The following OARD1 variants were observed in gnomAD, a reference collection of about 807,000 sequenced individuals.
The protein encoded by OARD1 is O-acyl-ADP-ribose deacylase 1.
A neutral mutation model predicts 19.7 loss-of-function variants in OARD1; 19 were observed. That is an observed-to-expected ratio of 0.96 (90% CI 0.67 to 1.41). The LOEUF is 1.41. OARD1 is among the 40% of genes most tolerant of loss of function. The pLI is 0.00. For missense variants in OARD1, 190 were observed against 183.8 expected, an observed-to-expected ratio of 1.03 and a Z score of -0.20; for synonymous variants, 70 against 61.8, an observed-to-expected ratio of 1.13 and a Z score of -0.62.
At position 41,066,250 on chromosome 6, in the gene OARD1, T is replaced by C. The variant is rs961644386; in HGVS notation, c.*1085A>G. ...CAAGCCATCCTCCCGCCTCAACCTC[T>C]AGAGTAGCTGGAACTACAGGCCTGC... On this transcript the variant is annotated 3_prime_UTR_variant, in exon 6 of 6. Transcript: ENST00000424266. 1 of 152,064 alleles carries C rather than the reference T, an allele frequency of 6.6e-6. No individual in the cohort carries two copies. Among genetic ancestry groups the C allele is most frequent in the African/African-American group, 2.4e-5 (1 of 41,380 alleles). 9.4% of individuals were successfully genotyped at this position (152,064 alleles called of 1,614,324 possible).
intron 1 of OARD1, among the ~76,000 whole-genome samples, chr6:41,084,638 C>G (rs1043333872): frequency 6.6e-6 from 1 of 152,154 alleles, no homozygotes; most frequent in Non-Finnish European, 1.5e-5. Context: ...GATTGAGAAA[C>G]AGAAAACAAA....
intron 1 of OARD1, chr6:41,079,269 T>A: frequency 2.8e-6 from 3 of 1,065,750 alleles, no homozygotes; most frequent in Non-Finnish European, 2.8e-6. Context: ...AGATACCAGA[T>A]CTTGTGAGAT....
chr6:41,065,362 C>T lies in OARD1; in HGVS notation c.*1973G>A. The T allele has an allele frequency of 6.6e-6, 1 of 152,224 alleles. No individual in the cohort carries two copies. Among genetic ancestry groups the T allele is most frequent in the East Asian group, 1.9e-4 (1 of 5,206 alleles). The allele number at this position is 152,224 out of a possible 1,614,324, so 9.4% of individuals were successfully genotyped here. On this transcript the variant is annotated 3_prime_UTR_variant, in exon 6 of 6. Transcript: ENST00000424266. Reference sequence around the variant, plus strand: ...ACTTTACAACGGTGCAAAAGCCATACACATTCAGTACACCCTTCAACTGAA... The same window carrying T: ...ACTTTACAACGGTGCAAAAGCCATATACATTCAGTACACCCTTCAACTGAA...
Position 41,084,180 on chromosome 6 carries a change from G to A in OARD1, c.-41-12505C>T, listed in dbSNP as rs1278572952. 3.7e-6 allele frequency: 6 copies of A among 1,613,776 alleles called. No homozygotes were observed. The African/African-American group carries it at 6.7e-5, about 18-fold the overall frequency. On this transcript the variant is annotated intron_variant, in intron 1 of 4. Coordinates refer to the OARD1 transcript ENST00000480585. ...TGCAAGTACCTGTTTCTGGAACACAGGGTTTGCAGCAAGTGAGTAATATTT... is the reference window on the plus strand; with the variant it reads ...TGCAAGTACCTGTTTCTGGAACACAAGGTTTGCAGCAAGTGAGTAATATTT...
Position 41,071,661 on chromosome 6 carries a change from T to G in OARD1, c.-27A>C. ...ATACTGAGTCGCTATTTCCAGAATT[T>G]AAGTGTTTCTTCAGCTATGAGAAGG... On this transcript the variant is annotated 5_prime_UTR_variant, in exon 2 of 6. Coordinates refer to ENST00000424266, the MANE Select transcript of OARD1 (RefSeq NM_001329686.2). The G allele has an allele frequency of 6.2e-7, 1 of 1,603,676 alleles. No homozygotes were observed. Among genetic ancestry groups the G allele is most frequent in the Non-Finnish European group, 8.5e-7 (1 of 1,170,472 alleles).
intron 1 of OARD1, chr6:41,094,347 C>A: frequency 6.6e-7 from 1 of 1,508,686 alleles, no homozygotes; most frequent in Non-Finnish European, 9.2e-7. Flanking sequence ...GATAACTGTG[C>A]TGGTTCTGGA....
At chr6:41,096,656 C>T (rs1456154016) in intron 1 of OARD1, among the ~76,000 whole-genome samples, 2 of 152,228 alleles carry the variant, frequency 1.3e-5, no homozygotes, top group South Asian at 2.1e-4. Context: ...CCTACCAAGG[C>T]TTCAGAGCCT....
At chr6:41,073,451 G>A (rs1227354013), upstream of OARD1, among the ~76,000 whole-genome samples, 2 of 151,992 alleles carry the variant, frequency 1.3e-5, no homozygotes, top group Non-Finnish European at 2.9e-5. Context: ...GGACACATGC[G>A]CGCCCTGGGC....
intron 1 of OARD1, chr6:41,089,800 T>C (rs1188888394): frequency 1.3e-6 from 2 of 1,496,348 alleles, no homozygotes; most frequent in African/African-American, 1.4e-5. Flanking sequence ...GCATGTATAG[T>C]AGAAAAGGGG....
chr6:41,067,258 A>T lies in OARD1; in HGVS notation c.*77T>A. ...CATGAAACTTTCCTCTGCCTATTTT[A>T]AGGTAGGTTTGCCCGGTCCTATGGC... On this transcript the variant is annotated 3_prime_UTR_variant, in exon 6 of 6. Coordinates refer to ENST00000424266, the MANE Select transcript of OARD1 (RefSeq NM_001329686.2). 1.2e-6 allele frequency: 1 copy of T among 818,300 alleles called. No homozygotes were observed. The highest frequency in any genetic ancestry group is 2.0e-6 in the Non-Finnish European group (1 of 498,702). 50.7% of individuals were successfully genotyped at this position (818,300 alleles called of 1,614,324 possible). A position where few individuals can be genotyped will look rare whatever the true frequency, so the allele number is the denominator to read the frequency against.
intron 3 of OARD1, 126 bp downstream of exon 3, chr6:41,071,006 G>A: frequency 1.0e-6 from 1 of 994,780 alleles, no homozygotes; most frequent in Non-Finnish European, 1.6e-6. Context: ...CCATTCTTGG[G>A]GAGGAAAATC....
chr6:41,074,254 A>C (rs531856617), upstream of OARD1, among the ~76,000 whole-genome samples: 20 of 152,330 alleles, frequency 1.3e-4, no homozygotes, highest in African/African-American at 4.3e-4. Context: ...AGAAACTAAC[A>C]GTGTTGTGGG....
upstream of OARD1, among the ~76,000 whole-genome samples, chr6:41,073,983 A>T (rs1030970957): frequency 6.6e-6 from 1 of 151,488 alleles, no homozygotes; most frequent in African/African-American, 2.4e-5. Context: ...CCTCACTCTT[A>T]GAAGATTGAT....
chr6:41,067,249 G>A lies in OARD1; in HGVS notation c.*86C>T. On this transcript the variant is annotated 3_prime_UTR_variant, in exon 6 of 6. Transcript: ENST00000424266. ...ACTACTTCTCATGAAACTTTCCTCT[G>A]CCTATTTTAAGGTAGGTTTGCCCGG... 1.4e-6 allele frequency: 1 copy of A among 736,556 alleles called. No homozygotes were observed. 45.6% of individuals were successfully genotyped at this position (736,556 alleles called of 1,614,324 possible). A position where few individuals can be genotyped will look rare whatever the true frequency, so the allele number is the denominator to read the frequency against.
intron 1 of OARD1, among the ~76,000 whole-genome samples, chr6:41,084,861 T>C (rs1764001107): frequency 6.6e-6 from 1 of 151,480 alleles, no homozygotes; most frequent in South Asian, 2.1e-4. Flanking sequence ...ACTTGGGGGG[T>C]TGAGGCATAA....
In OARD1 at chr6:41,070,908, C is replaced by A. The variant is rs557679365; in HGVS notation, c.184+224G>T. Reference sequence around the variant, plus strand: ...AAGTTTCAGAGAAGTACAGTAATATCGTCAAGAAAGTTTCATGATACAAGA... The same window carrying A: ...AAGTTTCAGAGAAGTACAGTAATATAGTCAAGAAAGTTTCATGATACAAGA... On this transcript the variant is annotated intron_variant, in intron 3 of 5. Coordinates refer to ENST00000424266, the MANE Select transcript of OARD1 (RefSeq NM_001329686.2). 4.3e-4 allele frequency: 261 copies of A among 610,236 alleles called. 4 individuals are homozygous for A. In the South Asian group the frequency reaches 4.9e-3, roughly 11 times the overall value. 37.8% of individuals were successfully genotyped at this position (610,236 alleles called of 1,614,324 possible). A position where few individuals can be genotyped will look rare whatever the true frequency, so the allele number is the denominator to read the frequency against.
intron 1 of OARD1, chr6:41,090,399 C>A: frequency 1.5e-6 from 1 of 672,268 alleles, no homozygotes; most frequent in Non-Finnish European, 2.7e-6. Context: ...GAGTGGTGAA[C>A]TTGACACTAC....
chr6:41,065,887 T>G lies in OARD1; in HGVS notation c.*1448A>C, dbSNP rs551648827. On this transcript the variant is annotated 3_prime_UTR_variant, in exon 6 of 6. Coordinates refer to ENST00000424266, the MANE Select transcript of OARD1 (RefSeq NM_001329686.2). ...GGAGAAAATCAATAGCAAGTCTGGC[T>G]GTTTTAACTCTCAACACCACTGTAA... 6.6e-6 allele frequency: 1 copy of G among 152,234 alleles called. No homozygotes were observed. Among genetic ancestry groups the G allele is most frequent in the Admixed American group, 6.5e-5 (1 of 15,270 alleles). The allele number at this position is 152,234 out of a possible 1,614,324, so 9.4% of individuals were successfully genotyped here.
intron 2 of OARD1, 55 bp from the exon 3 acceptor site, chr6:41,071,331 A>T: frequency 1.3e-6 from 2 of 1,541,044 alleles, no homozygotes; most frequent in Admixed American, 3.5e-5. Context: ...TAAAATACTA[A>T]GCTATTTTTC....
Sources: gnomAD v4.1 joint callset for allele counts (sites outside exome capture counted in the v4.1 genomes callset) on GRCh38, gnomAD v4.1.1 for gene constraint, MANE v1.5 for transcripts, NCBI Gene and HGNC (gene_info 2026-07-23, HGNC 2026-07-21) for gene names.